Variants in DAB1 observed in about 807,000 individuals in gnomAD.
DAB1 encodes the protein DAB adaptor protein 1, also known as disabled homolog 1.
In DAB1, 15 loss-of-function variants were observed where a neutral mutation model predicts 64.6. That is an observed-to-expected ratio of 0.23 (90% CI 0.16 to 0.36). The LOEUF (loss-of-function observed/expected upper bound fraction) is 0.36, where lower values mean the gene tolerates loss of function less well. Among genes scored for constraint, DAB1 ranks in the 10% least tolerant of loss-of-function variants. The pLI is 1.00. For missense variants in DAB1, 596 were observed against 706.7 expected (o/e 0.84, Z 1.78); for synonymous variants, 235 against 251.9 (o/e 0.93, Z 0.64).
intron 4 of DAB1, among the ~76,000 whole-genome samples, chr1:58,297,395 C>A (rs1206605114): frequency 6.6e-6 from 1 of 152,174 alleles, no homozygotes; most frequent in Non-Finnish European, 1.5e-5. Flanking sequence ...CCTCGAAGAG[C>A]CCATGGTCTA....
chr1:57,093,039 G>C (rs1342941059), intron 4 of DAB1, among the ~76,000 whole-genome samples: 1 of 152,176 alleles, frequency 6.6e-6, no homozygotes, highest in Non-Finnish European at 1.5e-5. Context: ...GGCCTGATAA[G>C]ATAATGCAAA....
At chr1:57,804,810 T>C (rs1194080165) in intron 6 of DAB1, among the ~76,000 whole-genome samples, 4 of 152,218 alleles carry the variant, frequency 2.6e-5, no homozygotes, top group Non-Finnish European at 4.4e-5. Context: ...ATGATAATCA[T>C]AACAATTCTA....
intron 9 of DAB1, among the ~76,000 whole-genome samples, chr1:57,053,841 C>T (rs1179705181): frequency 3.3e-5 from 5 of 151,620 alleles, no homozygotes; most frequent in African/African-American, 4.8e-5. Flanking sequence ...AAGTGTGCCA[C>T]CACACCTGGC....
At chr1:57,814,915 C>T (rs1000228868) in intron 6 of DAB1, among the ~76,000 whole-genome samples, 42 of 152,176 alleles carry the variant, frequency 2.8e-4, no homozygotes, top group African/African-American at 9.7e-4. Flanking sequence ...ATGGCAAGCA[C>T]TACCTACGTA....
chr1:57,470,330 A>G (rs1687094107), intron 7 of DAB1, among the ~76,000 whole-genome samples: 1 of 152,174 alleles, frequency 6.6e-6, no homozygotes, highest in African/African-American at 2.4e-5. Flanking sequence ...CACCTCCAGA[A>G]TTTTACTTCC....
At chr1:58,090,256 G>T (rs765694599) in intron 5 of DAB1, among the ~76,000 whole-genome samples, 6 of 152,106 alleles carry the variant, frequency 3.9e-5, no homozygotes, top group Non-Finnish European at 8.8e-5. Context: ...ACTAGGAAAA[G>T]AATTAAGACA....
At chr1:57,391,842 C>G (rs1423414688) in intron 1 of DAB1, among the ~76,000 whole-genome samples, 1 of 150,750 alleles carries the variant, frequency 6.6e-6, no homozygotes, top group African/African-American at 2.4e-5. Context: ...AAGAGGGAGA[C>G]AGCAATTTCA....
intron 6 of DAB1, among the ~76,000 whole-genome samples, chr1:57,664,911 G>A (rs1340725137): frequency 6.6e-6 from 1 of 151,916 alleles, no homozygotes; most frequent in Non-Finnish European, 1.5e-5. Context: ...TACATCAAAT[G>A]TTGTGAACAG....
Position 57,284,939 on chromosome 1 carries a change from C to A in DAB1, c.67+6025G>T, listed in dbSNP as rs150002013. 8.5e-5 allele frequency among the ~76,000 whole-genome samples: 13 copies of A among 152,302 alleles called. No homozygotes were observed. In the East Asian group the frequency reaches 2.5e-3, roughly 29 times the overall value. On this transcript the variant is annotated intron_variant, in intron 2 of 14. Coordinates refer to ENST00000371236, the MANE Select transcript of DAB1 (RefSeq NM_001365792.1). Reference sequence around the variant, plus strand: ...CACTCGGTTTGATGTGACTTCAAACCTGAGGCATCTGCCCTGTGATCACTG... The same window carrying A: ...CACTCGGTTTGATGTGACTTCAAACATGAGGCATCTGCCCTGTGATCACTG...
intron 1 of DAB1, among the ~76,000 whole-genome samples, chr1:57,337,164 CCT>C (rs1279516283): frequency 6.6e-6 from 1 of 152,238 alleles, no homozygotes; most frequent in Non-Finnish European, 1.5e-5. Flanking sequence ...GCCACCATCC[CCT>C]TTCTCATGGA....
chr1:58,247,382 A>C (rs949158664), intron 4 of DAB1, among the ~76,000 whole-genome samples: 4 of 152,024 alleles, frequency 2.6e-5, no homozygotes, highest in Non-Finnish European at 5.9e-5. Flanking sequence ...TGAGAAACCC[A>C]GCCTGTCCAA....
intron 4 of DAB1, among the ~76,000 whole-genome samples, chr1:58,334,651 CAT>C (rs1300504104): frequency 5.6e-5 from 7 of 125,748 alleles, no homozygotes; most frequent in African/African-American, 1.9e-4. Context: ...CATATCATAT[CAT>C]ATTATATTAT....
chr1:58,471,294 CAG>C (rs1349834359), intron 3 of DAB1, among the ~76,000 whole-genome samples: 1 of 152,134 alleles, frequency 6.6e-6, no homozygotes, highest in Non-Finnish European at 1.5e-5. Context: ...ACAAGCAAAA[CAG>C]ACTTTTCTGT....
chr1:57,213,328 CTGCATGTATTT>C (rs1666174789), intron 2 of DAB1, among the ~76,000 whole-genome samples: 1 of 152,250 alleles, frequency 6.6e-6, no homozygotes, highest in Middle Eastern at 3.4e-3. Context: ...GCATTGAAAT[CTGCATGTATTT>C]TGCATGTACT....
intron 7 of DAB1, among the ~76,000 whole-genome samples, chr1:57,559,371 C>T (rs1024727484): frequency 3.9e-5 from 6 of 152,138 alleles, no homozygotes; most frequent in Admixed American, 2.0e-4. Flanking sequence ...AAGGGGAGGC[C>T]GGGTCCCCTT....
At chr1:57,340,536 G>A (rs1391610719) in intron 1 of DAB1, among the ~76,000 whole-genome samples, 1 of 152,232 alleles carries the variant, frequency 6.6e-6, no homozygotes, top group Non-Finnish European at 1.5e-5. Context: ...TGGAAACGCA[G>A]TCACTGTAAC....
At chr1:57,337,368 C>A (rs1677164167) in intron 1 of DAB1, among the ~76,000 whole-genome samples, 1 of 152,220 alleles carries the variant, frequency 6.6e-6, no homozygotes, top group Admixed American at 6.5e-5. Context: ...TGCCTCTTCA[C>A]CATCCTTCAA....
intron 10 of DAB1, 94 bp downstream of exon 10, chr1:57,025,887 C>G: frequency 1.0e-6 from 1 of 963,120 alleles, no homozygotes; most frequent in Non-Finnish European, 1.5e-6. Context: ...CCACCAGCAG[C>G]CCTCTTTCAC....
At chr1:58,335,724 C>T (rs1236920) in intron 4 of DAB1, among the ~76,000 whole-genome samples, 3 of 151,926 alleles carry the variant, frequency 2.0e-5, no homozygotes, top group Admixed American at 6.6e-5. Flanking sequence ...GTAAAGCTGT[C>T]GATTCTTGCT....
Sources: allele counts gnomAD v4.1 joint callset (sites outside exome capture counted in the v4.1 genomes callset), GRCh38; gene constraint gnomAD v4.1.1; transcripts MANE v1.5; gene names NCBI Gene and HGNC (gene_info 2026-07-23, HGNC 2026-07-21).